Variants in CADM2 observed in about 807,000 individuals in gnomAD.
The protein encoded by CADM2 is immunoglobulin superfamily member 4D.
Under a neutral mutation model 49.8 loss-of-function variants are expected in CADM2, and 12 were observed. The observed-to-expected ratio is 0.24, with a 90% CI of 0.15 to 0.39. The LOEUF is 0.39. Among genes scored for constraint, CADM2 ranks in the 10% least tolerant of loss-of-function variants. The probability of loss-of-function intolerance (pLI) is 1.00; values close to 1 mark genes in which losing one functional copy is unlikely to be tolerated. For missense variants in CADM2, 378 were observed against 492.3 expected, an observed-to-expected ratio of 0.77 and a Z score of 2.20; for synonymous variants, 214 against 175.4, an observed-to-expected ratio of 1.22 and a Z score of -1.74.
intron 1 of CADM2, among the ~76,000 whole-genome samples, chr3:85,429,712 A>G (rs2036580066): frequency 6.6e-6 from 1 of 152,162 alleles, no homozygotes; most frequent in Non-Finnish European, 1.5e-5. Flanking sequence ...AGTAAAATGG[A>G]GGAGGTTGGA....
chr3:85,902,603 CTA>C (rs1338446044), intron 5 of CADM2, among the ~76,000 whole-genome samples: 2 of 151,434 alleles, frequency 1.3e-5, no homozygotes, highest in African/African-American at 2.4e-5. Flanking sequence ...CATTTATCTT[CTA>C]TGTTTCATGT....
intron 3 of CADM2, among the ~76,000 whole-genome samples, chr3:85,850,639 C>T (rs1194523238): frequency 2.0e-5 from 3 of 152,016 alleles, no homozygotes; most frequent in South Asian, 2.1e-4. Flanking sequence ...CAATTCTTGT[C>T]ATAAGACGTT....
chr3:85,979,015 T>C (rs1038210655), intron 8 of CADM2: 1 of 758,484 alleles, frequency 1.3e-6, no homozygotes, highest in African/African-American at 1.8e-5. Context: ...ATGACAAGAA[T>C]TGTGTGACAC....
intron 1 of CADM2, among the ~76,000 whole-genome samples, chr3:85,390,415 C>T (rs2107393124): frequency 6.6e-6 from 1 of 152,148 alleles, no homozygotes; most frequent in East Asian, 1.9e-4. Context: ...ACATTTCTGT[C>T]TTCATTGATG....
At chr3:85,258,223 A>T (rs900885152) in intron 1 of CADM2, among the ~76,000 whole-genome samples, 6 of 152,128 alleles carry the variant, frequency 3.9e-5, no homozygotes, top group Non-Finnish European at 7.4e-5. Flanking sequence ...AAAGTGTTTC[A>T]TGCATACTAG....
chr3:85,098,616 A>C (rs188333322), intron 1 of CADM2, among the ~76,000 whole-genome samples: 2 of 152,292 alleles, frequency 1.3e-5, no homozygotes, highest in African/African-American at 4.8e-5. Context: ...ATGAAGCTAA[A>C]AGAATGTAAG....
intron 6 of CADM2, among the ~76,000 whole-genome samples, chr3:85,932,616 T>A (rs922403704): frequency 1.3e-5 from 2 of 152,080 alleles, no homozygotes; most frequent in African/African-American, 4.8e-5. Flanking sequence ...CAGGAGTATA[T>A]GTGTGGCAGG....
intron 1 of CADM2, among the ~76,000 whole-genome samples, chr3:85,592,961 CTCT>C (rs1480034151): frequency 2.0e-5 from 3 of 151,710 alleles, no homozygotes; most frequent in African/African-American, 7.3e-5. Context: ...GTTTAGTTTT[CTCT>C]TCTTGTGTTA....
chr3:85,220,715 TG>T (rs1459867724), intron 1 of CADM2, among the ~76,000 whole-genome samples: 1 of 152,076 alleles, frequency 6.6e-6, no homozygotes, highest in Non-Finnish European at 1.5e-5. Flanking sequence ...CTTGTGACTA[TG>T]GCCAGGATGA....
chr3:85,039,132 G>A (rs2035336754), intron 1 of CADM2, among the ~76,000 whole-genome samples: 1 of 152,092 alleles, frequency 6.6e-6, no homozygotes, highest in African/African-American at 2.4e-5. Flanking sequence ...CTCCCGAGTA[G>A]CTGGGATTAG....
intron 1 of CADM2, among the ~76,000 whole-genome samples, chr3:85,147,636 A>G (rs2039790554): frequency 6.6e-6 from 1 of 152,106 alleles, no homozygotes. Flanking sequence ...GTCTTCATAG[A>G]TATGTATTCA....
Position 85,542,018 on chromosome 3 carries a change from A to G in CADM2, c.62-184504A>G, listed in dbSNP as rs995390535. Among the ~76,000 whole-genome samples, 136 of 152,012 alleles carry G rather than the reference A, an allele frequency of 8.9e-4. 2 individuals are homozygous for G. The highest frequency in any genetic ancestry group is 3.2e-3 in the African/African-American group (133 of 41,482). ...ATTGTGCTTTACTAAGACATAATCTATCATCTCTCAGTGAGTGATTGCCTG... is the reference window on the plus strand; with the variant it reads ...ATTGTGCTTTACTAAGACATAATCTGTCATCTCTCAGTGAGTGATTGCCTG... On this transcript the variant is annotated intron_variant, in intron 1 of 9. Coordinates refer to ENST00000383699, the MANE Select transcript of CADM2 (RefSeq NM_001167675.2).
rs554503475 is a variant in CADM2 at position 85,681,616 on chromosome 3, A to G, written c.62-44906A>G. Among the ~76,000 whole-genome samples, 5 of 152,260 alleles carry G rather than the reference A, an allele frequency of 3.3e-5. No homozygotes were observed. In the South Asian group the frequency reaches 1.0e-3, roughly 32 times the overall value. ...CTGAAAGTGACCTTAGAAATCATCT[A>G]AAACTGTCTGCTTCATCTGGCAGGC... On this transcript the variant is annotated intron_variant, in intron 1 of 9. Transcript: ENST00000383699.
At chr3:85,414,406 T>C (rs1487584135) in intron 1 of CADM2, among the ~76,000 whole-genome samples, 1 of 152,208 alleles carries the variant, frequency 6.6e-6, no homozygotes, top group Non-Finnish European at 1.5e-5. Flanking sequence ...GTGTGTCCTT[T>C]AAATGGTCAT....
intron 1 of CADM2, among the ~76,000 whole-genome samples, chr3:85,520,155 C>A (rs780123843): frequency 1.1e-4 from 16 of 151,904 alleles, no homozygotes; most frequent in Non-Finnish European, 1.9e-4. Context: ...AGGTAAACTT[C>A]AACTCTTTCG....
At chr3:85,362,948 T>A (rs1376351450) in intron 1 of CADM2, among the ~76,000 whole-genome samples, 1 of 152,184 alleles carries the variant, frequency 6.6e-6, no homozygotes, top group Non-Finnish European at 1.5e-5. Flanking sequence ...TCAGGGCATC[T>A]CTATTGAGTT....
chr3:85,264,094 G>C (rs1334185245), intron 1 of CADM2, among the ~76,000 whole-genome samples: 1 of 151,982 alleles, frequency 6.6e-6, no homozygotes. Context: ...CCACCTATGG[G>C]CCTGACCTTT....
At chr3:85,098,642 A>G (rs577676565) in intron 1 of CADM2, among the ~76,000 whole-genome samples, 63 of 152,296 alleles carry the variant, frequency 4.1e-4, no homozygotes, top group African/African-American at 1.4e-3. Context: ...AAATAACTAT[A>G]TTCGTCCCTC....
chr3:85,986,242 T>C (rs1470297516), intron 8 of CADM2, among the ~76,000 whole-genome samples: 1 of 151,714 alleles, frequency 6.6e-6, no homozygotes, highest in Non-Finnish European at 1.5e-5. Flanking sequence ...TACAAAGAAA[T>C]AAAGAAACAT....
Sources: gnomAD v4.1 joint callset for allele counts (sites outside exome capture counted in the v4.1 genomes callset) on GRCh38, gnomAD v4.1.1 for gene constraint, MANE v1.5 for transcripts, NCBI Gene and HGNC (gene_info 2026-07-23, HGNC 2026-07-21) for gene names.